Variants in CCDC144A observed in about 807,000 individuals in gnomAD.
CCDC144A encodes coiled-coil domain containing 144A.
Under a neutral mutation model 143.8 loss-of-function variants are expected in CCDC144A, and 41 were observed. The observed-to-expected ratio is 0.29, with a 90% CI of 0.22 to 0.37. The LOEUF is 0.37. Among genes scored for constraint, CCDC144A ranks in the 10% least tolerant of loss-of-function variants. The probability of loss-of-function intolerance (pLI) is 1.00; values close to 1 mark genes in which losing one functional copy is unlikely to be tolerated. For synonymous variants in CCDC144A, 242 were observed against 517.9 expected, an observed-to-expected ratio of 0.47 and a Z score of 7.23; for missense variants, 637 against 1,488.8, an observed-to-expected ratio of 0.43 and a Z score of 9.41.
At chr17:16,741,983 G>A (rs1914275771) in intron 12 of CCDC144A, among the ~76,000 whole-genome samples, 1 of 151,926 alleles carries the variant, frequency 6.6e-6, no homozygotes, top group Admixed American at 6.6e-5. Context: ...CAGCTGTTTG[G>A]GAGGCTGAGG....
At chr17:16,725,309 C>T (rs1350022113) in intron 8 of CCDC144A, among the ~76,000 whole-genome samples, 2 of 151,754 alleles carry the variant, frequency 1.3e-5, no homozygotes, top group Admixed American at 6.6e-5. Flanking sequence ...TTCCACTGGT[C>T]CCCCCAGTTC....
the CCDC144A span, among the ~76,000 whole-genome samples, chr17:16,668,190 A>G: frequency 0.077 from 10,197 of 133,116 alleles, 772 homozygotes; most frequent in African/African-American, 0.15. Flanking sequence ...TCATTTTTCA[A>G]TGTGTTATTC....
upstream of CCDC144A, among the ~76,000 whole-genome samples, chr17:16,689,230 C>G (rs1242407629): frequency 6.6e-6 from 1 of 151,948 alleles, no homozygotes; most frequent in Non-Finnish European, 1.5e-5. Context: ...GAGTCTTGCT[C>G]TGTCGCCCAG....
chr17:16,720,605 C>CT lies in CCDC144A; in HGVS notation c.1839dup (p.Val614CysfsTer3). 6.2e-7 allele frequency: 1 copy of CT among 1,606,866 alleles called. No individual in the cohort carries two copies. The highest frequency in any genetic ancestry group is 8.5e-7 in the Non-Finnish European group (1 of 1,176,604). On this transcript the variant is annotated frameshift_variant, in exon 8 of 17. Transcript: ENST00000399273. LOFTEE classifies it high-confidence loss of function. Reference sequence around the variant, plus strand: ...TCAGAGGATTGTGAATTGTCTCACTCTGTTTATGAGAATTTTATGTTGCTG... The same window carrying CT: ...TCAGAGGATTGTGAATTGTCTCACTCTTGTTTATGAGAATTTTATGTTGCTG...
At chr17:16,684,301 T>C in the CCDC144A span, 23 of 766,138 alleles carry the variant, frequency 3.0e-5, no homozygotes, top group African/African-American at 3.9e-4. Flanking sequence ...AGATTAATGG[T>C]TTATGTAAGT....
At chr17:16,765,448 A>G (rs1915553746) in intron 15 of CCDC144A, 1 of 151,920 alleles carries the variant, frequency 6.6e-6, no homozygotes, top group Admixed American at 6.6e-5. Flanking sequence ...CATTTGTTTG[A>G]ACAACAATAG....
chr17:16,758,185 A>G (rs543213333), intron 12 of CCDC144A, among the ~76,000 whole-genome samples: 9 of 152,130 alleles, frequency 5.9e-5, no homozygotes, highest in African/African-American at 2.2e-4. Flanking sequence ...CTATAATTTA[A>G]AAGATTTCTA....
At chr17:16,764,861 A>G (rs1915528886) in intron 15 of CCDC144A, 2 of 146,262 alleles carry the variant, frequency 1.4e-5, no homozygotes, top group South Asian at 4.5e-4. Context: ...GAATTTTTAA[A>G]GTAAAGCTCA....
At chr17:16,748,661 G>C (rs1053451822) in intron 12 of CCDC144A, among the ~76,000 whole-genome samples, 8 of 152,156 alleles carry the variant, frequency 5.3e-5, no homozygotes, top group Non-Finnish European at 1.2e-4. Flanking sequence ...CATTAGGTTT[G>C]TTAACAGCTT....
chr17:16,757,172 T>C (rs1915129641), intron 12 of CCDC144A, among the ~76,000 whole-genome samples: 1 of 152,272 alleles, frequency 6.6e-6, no homozygotes. Context: ...TTGGTGACAC[T>C]TGTGGCACTG....
chr17:16,737,162 CTTT>C (rs757856458), intron 12 of CCDC144A, among the ~76,000 whole-genome samples: 4 of 102,656 alleles, frequency 3.9e-5, no homozygotes, highest in Non-Finnish European at 1.9e-5. Flanking sequence ...AGAGTTAAAT[CTTT>C]TTTTTTTTTT....
In CCDC144A at chr17:16,707,522, T is replaced by C. The variant is rs1478233558; in HGVS notation, c.718T>C (p.Cys240Arg). ...SEEEQERLKG[C>R]ENKQPQKTSQ... ...GGAAGAGCAAGAAAGACTTAAAGGA[T>C]GCGAAAATAAGCAGCCACAGGTGTG... Residue 240 changes from cysteine to arginine, a missense_variant, in exon 4 of 17, where the codon TGC (cysteine) becomes CGC (arginine). Coordinates refer to ENST00000399273, the MANE Select transcript of CCDC144A (RefSeq NM_001382000.1). The C allele has an allele frequency of 2.5e-6, 4 of 1,604,278 alleles. No homozygotes were observed. In the South Asian group the frequency reaches 4.5e-5, roughly 18 times the overall value.
intron 15 of CCDC144A, among the ~76,000 whole-genome samples, chr17:16,768,111 C>T (rs1427543688): frequency 2.6e-5 from 4 of 152,228 alleles, no homozygotes; most frequent in Non-Finnish European, 4.4e-5. Context: ...TAATCTATAA[C>T]GTTAAAGATC....
At chr17:16,696,985 C>A (rs562160222) in intron 2 of CCDC144A, among the ~76,000 whole-genome samples, 2 of 151,638 alleles carry the variant, frequency 1.3e-5, no homozygotes, top group East Asian at 3.9e-4. Context: ...TTGGCTGGGT[C>A]CTACCACATG....
rs1449941630 is a variant in CCDC144A, at chr17:16,777,132, A to G, written c.*3499A>G. 3.1e-4 allele frequency: 43 copies of G among 140,318 alleles called. No individual in the cohort carries two copies. The highest frequency in any genetic ancestry group is 1.1e-3 in the African/African-American group (40 of 36,064). 8.7% of individuals were successfully genotyped at this position (140,318 alleles called of 1,614,324 possible). On this transcript the variant is annotated 3_prime_UTR_variant, in exon 17 of 17. Coordinates refer to ENST00000399273, the MANE Select transcript of CCDC144A (RefSeq NM_001382000.1). ...AGACAAAGAGGGACATTATATAATG[A>G]TAAAAGGACTAGTTCAACAGGAAAA... is the stretch of plus-strand genomic sequence containing the variant.
rs1341074278 is a variant in CCDC144A at position 16,776,143 on chromosome 17, C to T, written c.*2510C>T. ...TGTTTGAAGCTGGGTAGCATGATGCCTCTAGCTTTGCTCTTCTTGCTTAGG... is the reference window on the plus strand; with the variant it reads ...TGTTTGAAGCTGGGTAGCATGATGCTTCTAGCTTTGCTCTTCTTGCTTAGG... On this transcript the variant is annotated 3_prime_UTR_variant, in exon 17 of 17. Transcript: ENST00000399273. 1 of 152,244 alleles carries T rather than the reference C, an allele frequency of 6.6e-6. No individual in the cohort carries two copies. The highest frequency in any genetic ancestry group is 1.5e-5 in the Non-Finnish European group (1 of 68,078). 9.4% of individuals were successfully genotyped at this position (152,244 alleles called of 1,614,324 possible).
rs577908569 is a variant in CCDC144A at position 16,747,818 on chromosome 17, A to G, written c.3372+12175A>G. 2.2e-3 allele frequency among the ~76,000 whole-genome samples: 328 copies of G among 152,244 alleles called. 3 individuals are homozygous for G. Among genetic ancestry groups the G allele is most frequent in the African/African-American group, 7.4e-3 (309 of 41,548 alleles). Reference sequence around the variant, plus strand: ...GAAGTCATTTATCAGTTCCAGGATAAATTGGCAAACTCTAGAGTTTTTTAG... The same window carrying G: ...GAAGTCATTTATCAGTTCCAGGATAGATTGGCAAACTCTAGAGTTTTTTAG... On this transcript the variant is annotated intron_variant, in intron 12 of 16. Transcript: ENST00000399273.
intron 8 of CCDC144A, among the ~76,000 whole-genome samples, chr17:16,726,096 C>T (rs1197629532): frequency 5.3e-5 from 8 of 151,962 alleles, no homozygotes; most frequent in Admixed American, 2.6e-4. Context: ...AAAAATCTTC[C>T]GGCCGGGCGC....
At chr17:16,742,676 G>A (rs1474485043) in intron 12 of CCDC144A, among the ~76,000 whole-genome samples, 1 of 152,100 alleles carries the variant, frequency 6.6e-6, no homozygotes. Flanking sequence ...GTGCATAAGA[G>A]TTTTCTTTTT....
Sources: gnomAD v4.1 joint callset for allele counts (sites outside exome capture counted in the v4.1 genomes callset) on GRCh38, gnomAD v4.1.1 for gene constraint, MANE v1.5 for transcripts, NCBI Gene and HGNC (gene_info 2026-07-23, HGNC 2026-07-21) for gene names.